Variants in DNAH14 observed in about 807,000 individuals in gnomAD.
The protein encoded by DNAH14 is axonemal beta dynein heavy chain 14.
DNAH14 carries 478 observed loss-of-function variants against 520.9 expected under a neutral mutation model. That is an observed-to-expected ratio of 0.92 (90% CI 0.85 to 0.99). DNAH14 has a LOEUF of 0.99. Ranked by LOEUF, DNAH14 falls within the 50% of genes least tolerant of loss-of-function variation. DNAH14 has a pLI of 0.00. For synonymous variants in DNAH14, 1,581 were observed against 1,757.2 expected (o/e 0.90, Z 2.51); for missense variants, 4,831 against 5,234.5 (o/e 0.92, Z 2.38).
chr1:225,370,826 ATTC>A (rs907493426), intron 77 of DNAH14, among the ~76,000 whole-genome samples: 3 of 152,174 alleles, frequency 2.0e-5, no homozygotes, highest in Non-Finnish European at 4.4e-5. Context: ...GATTTTTAAA[ATTC>A]TTTTCATATA....
chr1:224,933,716 T>A (rs900010027), intron 1 of DNAH14, among the ~76,000 whole-genome samples: 1 of 152,130 alleles, frequency 6.6e-6, no homozygotes, highest in Non-Finnish European at 1.5e-5. Context: ...TTCTATGTGA[T>A]GTATCATGCT....
In DNAH14 at chr1:225,097,191, G is replaced by A; in HGVS notation, c.3647G>A (p.Arg1216Lys). 6.4e-6 allele frequency: 10 copies of A among 1,550,670 alleles called. No individual in the cohort carries two copies. The highest frequency in any genetic ancestry group is 8.7e-6 in the Non-Finnish European group (10 of 1,146,482). Reference sequence around the variant, plus strand: ...CTTGAGGAATGGATGAATTGTCAAAGAAATTGGCTTTATCTTGAACCAGTC... The same window carrying A: ...CTTGAGGAATGGATGAATTGTCAAAAAAATTGGCTTTATCTTGAACCAGTC... ...YTLEEWMNCQ[R>K]NWLYLEPVFH... Residue 1216 changes from arginine (R) to lysine (K), a missense_variant, in exon 22 of 86, where the codon AGA (arginine) becomes AAA (lysine). Arg to Lys is a conservative substitution (Grantham distance 26, BLOSUM62 2). Transcript: ENST00000682510.
chr1:225,097,893 TCATA>T (rs931627584), intron 22 of DNAH14, among the ~76,000 whole-genome samples: 1 of 152,184 alleles, frequency 6.6e-6, no homozygotes, highest in African/African-American at 2.4e-5. Context: ...TTAGTAGCAT[TCATA>T]CATTAATAAG....
chr1:225,009,825 C>G (rs2064550081), intron 10 of DNAH14, among the ~76,000 whole-genome samples: 1 of 151,278 alleles, frequency 6.6e-6, no homozygotes, highest in African/African-American at 2.4e-5. Flanking sequence ...CTTCACATCT[C>G]TTGTAAGTTG....
chr1:225,301,070 A>G lies in DNAH14; in HGVS notation c.8631+40A>G, dbSNP rs572727300. ...CTTGGCTTTATCAAATTGTCATGTT[A>G]AAAGTAGACCGTGTTTATAATTCTG... On this transcript the variant is annotated intron_variant, in intron 56 of 85. Transcript: ENST00000682510. 14 of 1,514,426 alleles carry G rather than the reference A, an allele frequency of 9.2e-6. No homozygotes were observed. In the African/African-American group the frequency reaches 1.8e-4, roughly 20 times the overall value. The allele number at this position is 1,514,426 out of a possible 1,614,324, so 93.8% of individuals were successfully genotyped here.
intron 60 of DNAH14, among the ~76,000 whole-genome samples, chr1:225,316,473 C>T (rs918708752): frequency 2.0e-5 from 3 of 152,178 alleles, no homozygotes; most frequent in East Asian, 1.9e-4. Context: ...ATCCAGGGCT[C>T]TTGTGGTGTA....
intron 53 of DNAH14, among the ~76,000 whole-genome samples, chr1:225,276,618 C>T (rs144070579): frequency 2.6e-5 from 4 of 152,194 alleles, no homozygotes; most frequent in Non-Finnish European, 4.4e-5. Context: ...GCAACCTGGG[C>T]CAGGTGTGGT....
chr1:225,276,201 G>A (rs1262225204), intron 53 of DNAH14, 120 bp downstream of exon 53: 1 of 169,704 alleles, frequency 5.9e-6, no homozygotes, highest in Non-Finnish European at 1.4e-5. Context: ...GTGTGTTTGT[G>A]TGTGAGAGAG....
intron 17 of DNAH14, 87 bp downstream of exon 17, chr1:225,051,882 TATC>T (rs1186422118): frequency 1.7e-5 from 16 of 951,138 alleles, no homozygotes; most frequent in Middle Eastern, 3.4e-4. Flanking sequence ...GAATATATGA[TATC>T]ATGTCACATG....
intron 10 of DNAH14, among the ~76,000 whole-genome samples, chr1:225,017,417 C>T (rs2065299222): frequency 6.6e-6 from 1 of 152,268 alleles, no homozygotes; most frequent in African/African-American, 2.4e-5. Context: ...CCAGCAGCCA[C>T]TGCCATTGTG....
intron 58 of DNAH14, among the ~76,000 whole-genome samples, chr1:225,307,260 T>C (rs1372251696): frequency 6.6e-6 from 1 of 152,222 alleles, no homozygotes; most frequent in African/African-American, 2.4e-5. Context: ...TGGATACTGA[T>C]GCAGCAGTGA....
chr1:225,000,176 T>C (rs1385476689), intron 8 of DNAH14, among the ~76,000 whole-genome samples: 1 of 152,208 alleles, frequency 6.6e-6, no homozygotes, highest in Non-Finnish European at 1.5e-5. Flanking sequence ...TTGCTAGATA[T>C]AGGATTCTGG....
intron 71 of DNAH14, among the ~76,000 whole-genome samples, chr1:225,349,755 A>G (rs2095338282): frequency 6.6e-6 from 1 of 152,214 alleles, no homozygotes; most frequent in Non-Finnish European, 1.5e-5. Flanking sequence ...GATATGTAGT[A>G]ATAAATGCTT....
At chr1:224,962,730 C>T (rs1289033166) in intron 4 of DNAH14, among the ~76,000 whole-genome samples, 1 of 152,152 alleles carries the variant, frequency 6.6e-6, no homozygotes, top group African/African-American at 2.4e-5. Context: ...CATGAACTAA[C>T]CTAACTCTCT....
At chr1:225,360,580 A>C (rs985755230) in intron 74 of DNAH14, 101 bp from the exon 75 acceptor site, 8 of 1,142,452 alleles carry the variant, frequency 7.0e-6, no homozygotes, top group Non-Finnish European at 3.7e-6. Flanking sequence ...CGCTATGACT[A>C]TACCTTTTCC....
intron 21 of DNAH14, 105 bp downstream of exon 21, chr1:225,085,894 ATATACT>A (rs2073711889): frequency 9.2e-7 from 1 of 1,088,202 alleles, no homozygotes. Context: ...TAAATCATTC[ATATACT>A]TATATAAAAA....
intron 46 of DNAH14, among the ~76,000 whole-genome samples, chr1:225,262,018 A>C (rs899830826): frequency 7.2e-5 from 11 of 152,068 alleles, no homozygotes; most frequent in African/African-American, 2.7e-4. Context: ...TATAAAGGGC[A>C]GCTATAAACT....
chr1:225,342,857 C>G (rs2095218933), intron 69 of DNAH14, among the ~76,000 whole-genome samples: 1 of 151,576 alleles, frequency 6.6e-6, no homozygotes, highest in African/African-American at 2.4e-5. Flanking sequence ...CCACCCCTCA[C>G]AGCCTGGGTC....
intron 60 of DNAH14, among the ~76,000 whole-genome samples, chr1:225,312,813 A>G (rs1308119775): frequency 3.9e-5 from 6 of 152,218 alleles, no homozygotes; most frequent in African/African-American, 1.4e-4. Flanking sequence ...CGTGGTGGAT[A>G]AGCTTTTTAA....
Sources: gnomAD v4.1 joint callset for allele counts (sites outside exome capture counted in the v4.1 genomes callset) on GRCh38, gnomAD v4.1.1 for gene constraint, MANE v1.5 for transcripts, NCBI Gene and HGNC (gene_info 2026-07-23, HGNC 2026-07-21) for gene names.